Variants in LRRIQ1 observed in about 807,000 individuals in gnomAD.
LRRIQ1 encodes leucine-rich repeat- and IQ domain-containing protein 1.
In LRRIQ1, 210 loss-of-function variants were observed where a neutral mutation model predicts 211.9. That is an observed-to-expected ratio of 0.99 (90% CI 0.89 to 1.11). The LOEUF is 1.11. Among genes scored for constraint, LRRIQ1 ranks in the 50% most tolerant of loss-of-function variants. The pLI, the probability that LRRIQ1 is intolerant of heterozygous loss-of-function variation, is 0.00. For missense variants in LRRIQ1, 2,136 were observed against 1,939.5 expected (o/e 1.10, Z -1.90); for synonymous variants, 699 against 650.1 (o/e 1.08, Z -1.14).
chr12:85,083,700 A>G (rs907599980), intron 11 of LRRIQ1, among the ~76,000 whole-genome samples: 1 of 152,172 alleles, frequency 6.6e-6, no homozygotes, highest in Admixed American at 6.5e-5. Flanking sequence ...GGCCTCCCAA[A>G]GTGCTGAGAT....
Position 85,132,554 on chromosome 12 carries a change from G to A in LRRIQ1, c.4209+4521G>A, listed in dbSNP as rs1592854943. On this transcript the variant is annotated intron_variant, in intron 18 of 26. Transcript: ENST00000393217. ...AGGCCAAGTTGGACAGATTGCTTGA[G>A]CTCAGGAGTTCAATACCAGCCTGGG... 4.6e-5 allele frequency among the ~76,000 whole-genome samples: 7 copies of A among 152,186 alleles called. 2 individuals are homozygous for A. The highest frequency in any genetic ancestry group is 4.6e-4 in the Admixed American group (7 of 15,260).
intron 13 of LRRIQ1, among the ~76,000 whole-genome samples, chr12:85,100,596 C>T (rs1298704877): frequency 6.6e-6 from 1 of 151,390 alleles, no homozygotes; most frequent in East Asian, 1.9e-4. Flanking sequence ...TCATCTATAC[C>T]AAAAAGTAAA....
intron 24 of LRRIQ1, among the ~76,000 whole-genome samples, chr12:85,205,241 CT>C (rs1893485057): frequency 6.6e-6 from 1 of 152,160 alleles, no homozygotes; most frequent in Admixed American, 6.5e-5. Flanking sequence ...AAACCTCTTT[CT>C]TTTGTAAATT....
intron 13 of LRRIQ1, among the ~76,000 whole-genome samples, chr12:85,101,873 T>G (rs1460365651): frequency 6.6e-6 from 1 of 151,724 alleles, no homozygotes; most frequent in Non-Finnish European, 1.5e-5. Flanking sequence ...TAAAAAAAAT[T>G]GTTGGTTATT....
chr12:85,059,550 A>G (rs1195299467), intron 8 of LRRIQ1, among the ~76,000 whole-genome samples: 2 of 151,892 alleles, frequency 1.3e-5, no homozygotes, highest in Non-Finnish European at 2.9e-5. Context: ...CAAAATTCAA[A>G]ATTTGAAGTA....
At chr12:85,250,865 GATTATAT>G (rs1162482012) in intron 1 of LRRIQ1, among the ~76,000 whole-genome samples, 90 of 59,892 alleles carry the variant, frequency 1.5e-3, no homozygotes, top group Non-Finnish European at 2.4e-3. Context: ...ATATATTATA[GATTATAT>G]ATTATATTAT....
rs186508893 is a variant in LRRIQ1 at position 85,051,316 on chromosome 12, G to A, written c.679-861G>A. ...TTCTTCCTGTACAGCCAGCAAAATC[G>A]TGAATTAAATAAACCTCTTTTCTTT... On this transcript the variant is annotated intron_variant, in intron 6 of 26. Coordinates refer to ENST00000393217, the MANE Select transcript of LRRIQ1 (RefSeq NM_001079910.2). 9.9e-5 allele frequency among the ~76,000 whole-genome samples: 15 copies of A among 152,106 alleles called. No homozygotes were observed. In the East Asian group the frequency reaches 2.3e-3, roughly 24 times the overall value.
intron 7 of LRRIQ1, among the ~76,000 whole-genome samples, chr12:85,054,431 A>G (rs1270336425): frequency 6.6e-6 from 1 of 152,132 alleles, no homozygotes; most frequent in Non-Finnish European, 1.5e-5. Context: ...TGTGTTGTGT[A>G]TGTGTGCATG....
At chr12:85,202,207 G>T (rs940224610) in intron 24 of LRRIQ1, among the ~76,000 whole-genome samples, 1 of 151,988 alleles carries the variant, frequency 6.6e-6, no homozygotes, top group Non-Finnish European at 1.5e-5. Context: ...TTTTACATCT[G>T]TTTGTGTGGT....
Position 85,245,096 on chromosome 12 carries a change from C to A in LRRIQ1, c.*155C>A. ...TGATATAAACAAAATTAAATTATTT[C>A]TAAAATTAACTGCATCAGTTTTTAT... On this transcript the variant is annotated 3_prime_UTR_variant, in exon 27 of 27. Transcript: ENST00000393217. 4 of 1,219,108 alleles carry A rather than the reference C, an allele frequency of 3.3e-6. No individual in the cohort carries two copies. The highest frequency in any genetic ancestry group is 3.3e-6 in the Non-Finnish European group (3 of 918,712). 75.5% of individuals were successfully genotyped at this position (1,219,108 alleles called of 1,614,324 possible).
At chr12:85,110,350 C>G (rs1474553547) in intron 15 of LRRIQ1, among the ~76,000 whole-genome samples, 1 of 152,120 alleles carries the variant, frequency 6.6e-6, no homozygotes, top group Admixed American at 6.6e-5. Context: ...AACATTCACT[C>G]TGTGCTCAAC....
intron 24 of LRRIQ1, among the ~76,000 whole-genome samples, chr12:85,194,868 A>G (rs1258032425): frequency 1.6e-4 from 25 of 152,142 alleles, no homozygotes; most frequent in Non-Finnish European, 1.5e-5. Context: ...CCTTCAAAAA[A>G]TTAATGAATC....
At chr12:85,089,742 G>C (rs1157086397) in intron 11 of LRRIQ1, among the ~76,000 whole-genome samples, 3 of 152,156 alleles carry the variant, frequency 2.0e-5, no homozygotes, top group Non-Finnish European at 4.4e-5. Flanking sequence ...CTTATAGTTG[G>C]AACTTGTATT....
intron 19 of LRRIQ1, among the ~76,000 whole-genome samples, chr12:85,151,089 A>G (rs79936616): frequency 0.018 from 2,734 of 151,534 alleles, 78 homozygotes; most frequent in African/African-American, 0.063. Flanking sequence ...ACTGACAAAT[A>G]GCAATTCTTC....
intron 18 of LRRIQ1, among the ~76,000 whole-genome samples, chr12:85,132,769 TA>T (rs1296370922): frequency 6.6e-6 from 1 of 150,842 alleles, no homozygotes; most frequent in Non-Finnish European, 1.5e-5. Context: ...CTCAAAAAAA[TA>T]AAAAATAAAT....
intron 17 of LRRIQ1, among the ~76,000 whole-genome samples, chr12:85,127,244 T>C (rs931761856): frequency 6.6e-6 from 1 of 152,224 alleles, no homozygotes; most frequent in Non-Finnish European, 1.5e-5. Flanking sequence ...ACACATAACA[T>C]TGATCCATTC....
intron 24 of LRRIQ1, among the ~76,000 whole-genome samples, chr12:85,213,546 G>A (rs1893937664): frequency 6.6e-6 from 1 of 151,834 alleles, no homozygotes. Context: ...TTATCCTTAG[G>A]CCCACATAGG....
intron 26 of LRRIQ1, among the ~76,000 whole-genome samples, chr12:85,239,605 C>G (rs1895369812): frequency 6.6e-6 from 1 of 151,904 alleles, no homozygotes; most frequent in South Asian, 2.1e-4. Context: ...GAAAAAGAAT[C>G]TTGACTCCTA....
intron 24 of LRRIQ1, among the ~76,000 whole-genome samples, chr12:85,180,852 GTGTT>G (rs1168597019): frequency 6.6e-6 from 1 of 151,800 alleles, no homozygotes; most frequent in Non-Finnish European, 1.5e-5. Context: ...AAAATATGGT[GTGTT>G]TGTGTGTGTG....
Sources: allele counts gnomAD v4.1 joint callset (sites outside exome capture counted in the v4.1 genomes callset), GRCh38; gene constraint gnomAD v4.1.1; transcripts MANE v1.5; gene names NCBI Gene and HGNC (gene_info 2026-07-23, HGNC 2026-07-21).